Variants in PSD3 observed in about 807,000 individuals in gnomAD.
PSD3 encodes the protein pleckstrin and Sec7 domain containing 3, also known as PH and SEC7 domain-containing protein 3.
Under a neutral mutation model 105.5 loss-of-function variants are expected in PSD3, and 49 were observed. The observed-to-expected ratio is 0.46, with a 90% confidence interval of 0.37 to 0.59. The LOEUF is 0.59. Ranked by LOEUF, PSD3 falls within the 20% of genes least tolerant of loss-of-function variation. PSD3 has a pLI of 0.00. For synonymous variants in PSD3, 557 were observed against 457.8 expected (o/e 1.22, Z -2.77); for missense variants, 1,561 against 1,263.8 (o/e 1.24, Z -3.57).
chr8:18,795,920 A>C (rs931448670), intron 8 of PSD3, among the ~76,000 whole-genome samples: 1 of 152,216 alleles, frequency 6.6e-6, no homozygotes, highest in Non-Finnish European at 1.5e-5. Flanking sequence ...TATAGCAAAG[A>C]AAGAAACTCT....
intron 15 of PSD3, among the ~76,000 whole-genome samples, chr8:18,542,320 T>G (rs1800197577): frequency 6.6e-6 from 1 of 152,238 alleles, no homozygotes; most frequent in Admixed American, 6.5e-5. Flanking sequence ...GAAATTGACA[T>G]GTAAAGTATC....
chr8:18,868,209 G>A, intron 3 of PSD3, 140 bp from the exon 4 acceptor site: 1 of 1,016,404 alleles, frequency 9.8e-7, no homozygotes. Context: ...ATTTGGGAAG[G>A]AAGCTATGAA....
chr8:19,072,435 C>T (rs1829302755), intron 1 of PSD3, among the ~76,000 whole-genome samples: 6 of 152,200 alleles, frequency 3.9e-5, no homozygotes, highest in Admixed American at 3.9e-4. Flanking sequence ...TTTTCAAAGT[C>T]TCACTTGTTC....
chr8:18,850,536 G>T (rs912580076), intron 4 of PSD3, among the ~76,000 whole-genome samples: 1 of 152,146 alleles, frequency 6.6e-6, no homozygotes, highest in Non-Finnish European at 1.5e-5. Context: ...AGTCAACATG[G>T]CATCTCAGCT....
At chr8:18,825,422 G>A (rs1386262081) in intron 4 of PSD3, among the ~76,000 whole-genome samples, 1 of 152,162 alleles carries the variant, frequency 6.6e-6, no homozygotes, top group South Asian at 2.1e-4. Context: ...CCCGGTTTGA[G>A]AATCACAAAT....
In PSD3 at chr8:19,058,346, A is replaced by C. The variant is rs557085645; in HGVS notation, c.324+25860T>G. On this transcript the variant is annotated intron_variant, in intron 1 of 1. Coordinates refer to the PSD3 transcript ENST00000521475. ...AATGAGTTGTTTTGGGTGATATAACAGTTCTGTTTCCTGATTTTGGTGATA... is the reference window on the plus strand; with the variant it reads ...AATGAGTTGTTTTGGGTGATATAACCGTTCTGTTTCCTGATTTTGGTGATA... Among the ~76,000 whole-genome samples the C allele has an allele frequency of 6.6e-5, 10 of 151,328 alleles. No individual in the cohort carries two copies. The South Asian group carries it at 2.1e-3, about 31-fold the overall frequency.
chr8:18,774,031 T>C (rs925815781), intron 8 of PSD3, among the ~76,000 whole-genome samples: 19 of 152,224 alleles, frequency 1.2e-4, no homozygotes, highest in African/African-American at 3.9e-4. Context: ...TGCTAGTATA[T>C]AGCAATGCAA....
chr8:19,054,499 A>G (rs768754491), intron 1 of PSD3, among the ~76,000 whole-genome samples: 15 of 152,270 alleles, frequency 9.9e-5, no homozygotes, highest in South Asian at 2.1e-4. Flanking sequence ...TGATATTCCC[A>G]GAGCTCTATA....
intron 10 of PSD3, among the ~76,000 whole-genome samples, chr8:18,634,972 T>C (rs776327529): frequency 1.8e-4 from 28 of 152,320 alleles, no homozygotes; most frequent in African/African-American, 5.5e-4. Flanking sequence ...ACAATTATTA[T>C]TACGGTGTTT....
intron 12 of PSD3, among the ~76,000 whole-genome samples, chr8:18,591,480 G>A (rs576801816): frequency 4.6e-5 from 7 of 152,300 alleles, no homozygotes; most frequent in African/African-American, 1.7e-4. Context: ...CTTTGGGAGG[G>A]CTGAAGAAAG....
chr8:18,998,322 T>C (rs1050868098), intron 1 of PSD3, among the ~76,000 whole-genome samples: 1 of 152,016 alleles, frequency 6.6e-6, no homozygotes, highest in Admixed American at 6.5e-5. Context: ...AACTGAGAGA[T>C]GCCCTGAAAC....
In PSD3 at chr8:19,020,598, G is replaced by C. The variant is rs185776454; in HGVS notation, c.324+63608C>G. On this transcript the variant is annotated intron_variant, in intron 1 of 1. Coordinates refer to the PSD3 transcript ENST00000521475. The stretch of plus-strand genomic sequence containing the variant: ...AGGATGATCGACTTAGATTTTGCCA[G>C]AATCACCCGGTATTATGTATTGGAA... 1.5e-4 allele frequency among the ~76,000 whole-genome samples: 23 copies of C among 152,080 alleles called. No individual in the cohort carries two copies. In the East Asian group the frequency reaches 4.1e-3, roughly 27 times the overall value.
At chr8:18,904,989 GT>G (rs1245873016) in intron 2 of PSD3, among the ~76,000 whole-genome samples, 12 of 152,296 alleles carry the variant, frequency 7.9e-5, no homozygotes, top group African/African-American at 2.9e-4. Flanking sequence ...TGCTGGCACT[GT>G]GTATTAGGTT....
chr8:18,610,957 C>T (rs1256218018), intron 11 of PSD3, among the ~76,000 whole-genome samples: 5 of 152,260 alleles, frequency 3.3e-5, no homozygotes, highest in Middle Eastern at 3.4e-3. Flanking sequence ...GAATCTACTA[C>T]GATGTGCCAT....
intron 1 of PSD3, among the ~76,000 whole-genome samples, chr8:18,992,966 G>A (rs962423523): frequency 5.9e-5 from 9 of 152,032 alleles, no homozygotes; most frequent in Non-Finnish European, 1.2e-4. Flanking sequence ...ATTAAAGGAC[G>A]CAATTTATTA....
intron 1 of PSD3, among the ~76,000 whole-genome samples, chr8:19,062,958 G>T (rs1303095001): frequency 6.6e-6 from 1 of 152,176 alleles, no homozygotes; most frequent in African/African-American, 2.4e-5. Context: ...CTATCCAAAA[G>T]TGAAGGTGCC....
At chr8:18,575,919 C>T (rs1389716862) in intron 12 of PSD3, among the ~76,000 whole-genome samples, 5 of 152,164 alleles carry the variant, frequency 3.3e-5, no homozygotes, top group Admixed American at 6.6e-5. Context: ...GCATATGCTA[C>T]CAACTGTTAG....
chr8:18,548,817 A>C (rs2634455), intron 15 of PSD3, among the ~76,000 whole-genome samples: 2 of 152,274 alleles, frequency 1.3e-5, no homozygotes, highest in African/African-American at 4.8e-5. Context: ...CCTGGGGGAA[A>C]GGATCTGTAG....
intron 1 of PSD3, among the ~76,000 whole-genome samples, chr8:19,013,327 T>G (rs73594632): frequency 0.19 from 28,324 of 151,086 alleles, 4,455 homozygotes; most frequent in African/African-American, 0.43. Context: ...AAAGCCGAGG[T>G]ATGAACTAAA....
Sources: gnomAD v4.1 joint callset for allele counts (sites outside exome capture counted in the v4.1 genomes callset) on GRCh38, gnomAD v4.1.1 for gene constraint, MANE v1.5 for transcripts, NCBI Gene and HGNC (gene_info 2026-07-23, HGNC 2026-07-21) for gene names.